The following ATP2B1 variants were observed in gnomAD, a reference collection of about 807,000 sequenced individuals.
ATP2B1 encodes the protein ATPase plasma membrane Ca2+ transporting 1, also known as plasma membrane calcium-transporting ATPase 1.
In ATP2B1, 14 loss-of-function variants were observed where a neutral mutation model predicts 124.2. That is an observed-to-expected ratio of 0.11 (90% CI 0.07 to 0.18). The LOEUF is 0.18. Ranked by LOEUF, ATP2B1 falls within the 10% of genes least tolerant of loss-of-function variation. The pLI, the probability that ATP2B1 is intolerant of heterozygous loss-of-function variation, is 1.00. For missense variants in ATP2B1, 763 were observed against 1,466.1 expected (o/e 0.52, Z 7.83); for synonymous variants, 449 against 492.4 (o/e 0.91, Z 1.17).
chr12:89,643,230 GTA>G (rs547473716), intron 2 of ATP2B1, among the ~76,000 whole-genome samples: 288 of 148,580 alleles, frequency 1.9e-3, no homozygotes, highest in Non-Finnish European at 3.6e-3. Context: ...ATGTATATAC[GTA>G]TATATATGTA....
intron 2 of ATP2B1, among the ~76,000 whole-genome samples, chr12:89,647,789 G>A (rs1884696190): frequency 2.6e-5 from 4 of 152,142 alleles, no homozygotes; most frequent in African/African-American, 7.2e-5. Flanking sequence ...TCATGGGGGC[G>A]AATCCTTCAT....
At chr12:89,698,236 T>C (rs899150005) in intron 1 of ATP2B1, among the ~76,000 whole-genome samples, 7 of 152,216 alleles carry the variant, frequency 4.6e-5, no homozygotes, top group Non-Finnish European at 1.0e-4. Flanking sequence ...GACTGTATGT[T>C]ACTGGAACCA....
chr12:89,595,966 A>C (rs901900421), intron 20 of ATP2B1, among the ~76,000 whole-genome samples: 42 of 152,078 alleles, frequency 2.8e-4, no homozygotes, highest in African/African-American at 1.0e-3. Flanking sequence ...ACATGGGCCC[A>C]GAAACTCAGA....
At chr12:89,686,021 GT>G (rs1298575845) in intron 1 of ATP2B1, among the ~76,000 whole-genome samples, 1 of 152,080 alleles carries the variant, frequency 6.6e-6, no homozygotes, top group African/African-American at 2.4e-5. Context: ...AAGCCACCTT[GT>G]CTGTAGCATT....
chr12:89,685,577 A>C (rs1188137381), intron 1 of ATP2B1, among the ~76,000 whole-genome samples: 1 of 152,028 alleles, frequency 6.6e-6, no homozygotes. Flanking sequence ...CAGACCTCTT[A>C]AGTCAGAAAC....
chr12:89,660,721 CAGTA>C (rs1459371393), intron 1 of ATP2B1, among the ~76,000 whole-genome samples: 1 of 152,188 alleles, frequency 6.6e-6, no homozygotes, highest in Non-Finnish European at 1.5e-5. Flanking sequence ...CCTTGACACA[CAGTA>C]AATGACAAAT....
At chr12:89,647,078 G>C (rs1057510556) in intron 2 of ATP2B1, among the ~76,000 whole-genome samples, 1 of 152,196 alleles carries the variant, frequency 6.6e-6, no homozygotes, top group Non-Finnish European at 1.5e-5. Flanking sequence ...AACTGGCAAA[G>C]AAATTACTGG....
chr12:89,644,224 T>G (rs1450980524), intron 2 of ATP2B1, among the ~76,000 whole-genome samples: 1 of 152,172 alleles, frequency 6.6e-6, no homozygotes, highest in African/African-American at 2.4e-5. Context: ...TAACTTCAAT[T>G]TGTTTTTTTG....
At chr12:89,680,381 CA>C (rs1222405327) in intron 1 of ATP2B1, among the ~76,000 whole-genome samples, 3 of 151,862 alleles carry the variant, frequency 2.0e-5, no homozygotes, top group African/African-American at 7.3e-5. Context: ...AACACAAATC[CA>C]GGAAGAAATA....
chr12:89,670,884 T>C (rs929528878), intron 1 of ATP2B1, among the ~76,000 whole-genome samples: 2 of 137,822 alleles, frequency 1.5e-5, no homozygotes, highest in Non-Finnish European at 3.1e-5. Context: ...CATGCCCACA[T>C]ACAACAGAAG....
chr12:89,646,223 T>G (rs1442228233), intron 2 of ATP2B1, among the ~76,000 whole-genome samples: 1 of 152,116 alleles, frequency 6.6e-6, no homozygotes, highest in Non-Finnish European at 1.5e-5. Context: ...TTCTGTTTCA[T>G]AGATTTAAAC....
At position 89,635,124 on chromosome 12, in the gene ATP2B1, T is replaced by C. The variant is rs1050395; in HGVS notation, c.534A>G (p.Glu178=). Residue 178 remains glutamate (E), a synonymous_variant, in exon 4 of 21, where the codon GAA becomes GAG. Coordinates refer to ENST00000428670, the MANE Select transcript of ATP2B1 (RefSeq NM_001366521.1). ...LVTAFNDWSK[E]KQFRGLQSRI... ...GGCTCTGCAAACCTCTAAACTGTTTTTCCTTACTCCAGTCATTGAAAGCTG... is the reference window on the plus strand; with the variant it reads ...GGCTCTGCAAACCTCTAAACTGTTTCTCCTTACTCCAGTCATTGAAAGCTG... 0.18 allele frequency: 297,162 copies of C among 1,613,690 alleles called. 28,888 individuals are homozygous for C. The highest frequency in any genetic ancestry group is 0.2 in the Non-Finnish European group (237,863 of 1,179,788).
intron 3 of ATP2B1, 156 bp downstream of exon 3, chr12:89,642,002 G>A: frequency 1.4e-6 from 1 of 736,082 alleles, no homozygotes; most frequent in South Asian, 1.9e-5. Context: ...GGGTTACTGT[G>A]AAAGTTATCT....
chr12:89,700,080 C>A (rs940672354), intron 1 of ATP2B1, among the ~76,000 whole-genome samples: 11 of 150,424 alleles, frequency 7.3e-5, no homozygotes, highest in Non-Finnish European at 1.5e-4. Flanking sequence ...TCTCAGACTC[C>A]TGTGGTCAAG....
intron 3 of ATP2B1, among the ~76,000 whole-genome samples, chr12:89,637,304 G>A (rs1882851052): frequency 6.6e-6 from 1 of 152,036 alleles, no homozygotes; most frequent in African/African-American, 2.4e-5. Context: ...ATAATGTTGT[G>A]TTTCTTTTAG....
At chr12:89,617,271 C>A (rs1190792669) in intron 11 of ATP2B1, among the ~76,000 whole-genome samples, 1 of 152,162 alleles carries the variant, frequency 6.6e-6, no homozygotes, top group East Asian at 1.9e-4. Flanking sequence ...TACTCTAGAA[C>A]TTCTCTAAAC....
intron 2 of ATP2B1, among the ~76,000 whole-genome samples, chr12:89,646,097 T>G (rs1489750748): frequency 6.6e-6 from 1 of 151,984 alleles, no homozygotes; most frequent in Admixed American, 6.6e-5. Flanking sequence ...TTTTGTTTTT[T>G]TTTGCGAGGG....
intron 1 of ATP2B1, among the ~76,000 whole-genome samples, chr12:89,676,480 C>T (rs1888620889): frequency 6.6e-6 from 1 of 152,044 alleles, no homozygotes; most frequent in African/African-American, 2.4e-5. Flanking sequence ...TAGGTAGAGA[C>T]AGGGTCTCAC....
chr12:89,651,076 T>C (rs1429132573), intron 2 of ATP2B1, among the ~76,000 whole-genome samples: 1 of 152,208 alleles, frequency 6.6e-6, no homozygotes, highest in Non-Finnish European at 1.5e-5. Context: ...ACTTTGAAAT[T>C]TACAGTTCCA....
Sources: allele counts gnomAD v4.1 joint callset (sites outside exome capture counted in the v4.1 genomes callset), GRCh38; gene constraint gnomAD v4.1.1; transcripts MANE v1.5; gene names NCBI Gene and HGNC (gene_info 2026-07-23, HGNC 2026-07-21).